Variants in CSMD1 observed in about 807,000 individuals in gnomAD.
CSMD1 encodes CUB and sushi domain-containing protein 1.
A neutral mutation model predicts 417.5 loss-of-function variants in CSMD1; 213 were observed. The observed-to-expected ratio is 0.51, with a 90% CI of 0.46 to 0.57. The LOEUF is 0.57. Ranked by LOEUF, CSMD1 falls within the 20% of genes least tolerant of loss-of-function variation. The pLI is 0.00. For synonymous variants in CSMD1, 2,862 were observed against 1,736.8 expected, an observed-to-expected ratio of 1.65 and a Z score of -16.11; for missense variants, 6,923 against 4,529.7, an observed-to-expected ratio of 1.53 and a Z score of -15.17.
chr8:4,459,045 G>C (rs1375822734), intron 2 of CSMD1, among the ~76,000 whole-genome samples: 3 of 152,090 alleles, frequency 2.0e-5, no homozygotes, highest in Non-Finnish European at 2.9e-5. Flanking sequence ...CTCCAATCTA[G>C]GTGAGTATGG....
intron 3 of CSMD1, among the ~76,000 whole-genome samples, chr8:4,132,855 A>G (rs1172315686): frequency 6.6e-6 from 1 of 152,216 alleles, no homozygotes; most frequent in African/African-American, 2.4e-5. Flanking sequence ...CAAGACAACT[A>G]GGATATATGA....
chr8:3,248,746 C>T lies in CSMD1; in HGVS notation c.4154-18515G>A, dbSNP rs186711255. 1.1e-4 allele frequency among the ~76,000 whole-genome samples: 17 copies of T among 152,170 alleles called. 1 individual carries two copies. In the East Asian group the frequency reaches 2.9e-3, roughly 26 times the overall value. ...AACAGCTTTGACTAACACGTTCTCT[C>T]CCATCTCTGGGCCTTTTGCAAACGT... On this transcript the variant is annotated intron_variant, in intron 26 of 69. Coordinates refer to ENST00000635120, the MANE Select transcript of CSMD1 (RefSeq NM_033225.6).
intron 1 of CSMD1, among the ~76,000 whole-genome samples, chr8:4,973,215 T>C (rs1810346490): frequency 6.6e-6 from 1 of 152,120 alleles, no homozygotes; most frequent in Non-Finnish European, 1.5e-5. Context: ...CCTCTCATCA[T>C]ATTATTGAGA....
chr8:3,968,265 G>T (rs146544211), intron 5 of CSMD1, among the ~76,000 whole-genome samples: 142 of 152,056 alleles, frequency 9.3e-4, no homozygotes, highest in Middle Eastern at 6.8e-3. Flanking sequence ...TGTTTTCCAG[G>T]TATAGGTAGT....
chr8:3,109,194 G>A (rs745632270), intron 43 of CSMD1, among the ~76,000 whole-genome samples: 1 of 152,222 alleles, frequency 6.6e-6, no homozygotes, highest in African/African-American at 2.4e-5. Flanking sequence ...GAACCCAGGA[G>A]GCGCTGGTTC....
At chr8:4,484,741 G>A (rs563661191) in intron 2 of CSMD1, among the ~76,000 whole-genome samples, 29 of 151,968 alleles carry the variant, frequency 1.9e-4, no homozygotes, top group Non-Finnish European at 3.8e-4. Context: ...AGGCAGAGAC[G>A]GGCGGATCAC....
chr8:4,711,958 C>T (rs757245566), intron 1 of CSMD1, among the ~76,000 whole-genome samples: 17 of 152,078 alleles, frequency 1.1e-4, no homozygotes, highest in East Asian at 3.9e-4. Context: ...ATCTCATTTG[C>T]GGTACAGTTT....
chr8:3,919,990 A>G (rs902973787), intron 5 of CSMD1, among the ~76,000 whole-genome samples: 2 of 150,354 alleles, frequency 1.3e-5, no homozygotes, highest in South Asian at 2.2e-4. Context: ...TGAATATACC[A>G]AATTTTTTTT....
At chr8:4,633,080 G>A (rs938536013) in intron 2 of CSMD1, among the ~76,000 whole-genome samples, 4 of 152,188 alleles carry the variant, frequency 2.6e-5, no homozygotes, top group Non-Finnish European at 4.4e-5. Context: ...AGCAGCAGAT[G>A]TGTCAGTGTT....
chr8:4,096,020 A>C (rs1800988006), intron 3 of CSMD1, among the ~76,000 whole-genome samples: 1 of 151,828 alleles, frequency 6.6e-6, no homozygotes, highest in South Asian at 2.1e-4. Flanking sequence ...AAAGGATAAT[A>C]ATTCATGGGT....
intron 3 of CSMD1, among the ~76,000 whole-genome samples, chr8:4,041,812 C>CA (rs1282550346): frequency 2.6e-5 from 4 of 151,688 alleles, no homozygotes; most frequent in Non-Finnish European, 4.4e-5. Flanking sequence ...AACATACCCA[C>CA]AAAAAAACAA....
At chr8:3,415,367 T>C (rs1244303920) in intron 12 of CSMD1, among the ~76,000 whole-genome samples, 1 of 152,228 alleles carries the variant, frequency 6.6e-6, no homozygotes, top group Non-Finnish European at 1.5e-5. Context: ...ATGTTGCATT[T>C]ATTTATTTGA....
intron 1 of CSMD1, among the ~76,000 whole-genome samples, chr8:4,660,342 C>G (rs372946144): frequency 6.7e-6 from 1 of 150,026 alleles, no homozygotes; most frequent in African/African-American, 2.5e-5. Context: ...GTAAATCTAG[C>G]AAAACACATA....
At chr8:3,233,320 G>T (rs1012120958) in intron 26 of CSMD1, among the ~76,000 whole-genome samples, 1 of 152,178 alleles carries the variant, frequency 6.6e-6, no homozygotes, top group Non-Finnish European at 1.5e-5. Context: ...AGTGACCTGA[G>T]CTGGCATGCT....
At chr8:3,532,954 G>A (rs1439064668) in intron 10 of CSMD1, among the ~76,000 whole-genome samples, 1 of 152,036 alleles carries the variant, frequency 6.6e-6, no homozygotes, top group Non-Finnish European at 1.5e-5. Context: ...GTATTATCAT[G>A]TAGAGTCTCA....
intron 25 of CSMD1, among the ~76,000 whole-genome samples, chr8:3,292,845 A>C (rs1006138400): frequency 6.6e-6 from 1 of 151,426 alleles, no homozygotes. Context: ...TAATATTGTT[A>C]TGTGTGAATT....
At chr8:4,035,449 T>C (rs995461291) in intron 3 of CSMD1, among the ~76,000 whole-genome samples, 2 of 152,196 alleles carry the variant, frequency 1.3e-5, no homozygotes, top group African/African-American at 4.8e-5. Context: ...TCAGGAAGGA[T>C]TCCAAAAGGA....
At chr8:4,907,844 A>T (rs1805404079) in intron 1 of CSMD1, among the ~76,000 whole-genome samples, 1 of 151,864 alleles carries the variant, frequency 6.6e-6, no homozygotes, top group Non-Finnish European at 1.5e-5. Context: ...GGGATTACAG[A>T]CAATAGCCAT....
At chr8:3,954,650 C>T (rs1563249872) in intron 5 of CSMD1, among the ~76,000 whole-genome samples, 1 of 152,242 alleles carries the variant, frequency 6.6e-6, no homozygotes, top group Admixed American at 6.5e-5. Context: ...GCGTGAGCCA[C>T]CGCACCTGGC....
Sources: allele counts gnomAD v4.1 joint callset (sites outside exome capture counted in the v4.1 genomes callset), GRCh38; gene constraint gnomAD v4.1.1; transcripts MANE v1.5; gene names NCBI Gene and HGNC (gene_info 2026-07-23, HGNC 2026-07-21).